The following ARB2A variants were observed in gnomAD, a reference collection of about 807,000 sequenced individuals.
ARB2A encodes ARB2 cotranscriptional regulator A.
chr5:94,049,975 T>A, the ARB2A span, among the ~76,000 whole-genome samples: 2 of 152,192 alleles, frequency 1.3e-5, no homozygotes, highest in African/African-American at 4.8e-5. Context: ...GGTCTAACTC[T>A]GTCAGCAAGG....
the ARB2A span, among the ~76,000 whole-genome samples, chr5:93,631,459 G>C: frequency 2.6e-5 from 4 of 152,070 alleles, no homozygotes; most frequent in Non-Finnish European, 5.9e-5. Flanking sequence ...TCAAGCCTGG[G>C]CAAAAGCCTC....
the ARB2A span, among the ~76,000 whole-genome samples, chr5:93,758,027 A>C: frequency 6.6e-6 from 1 of 152,162 alleles, no homozygotes; most frequent in Non-Finnish European, 1.5e-5. Flanking sequence ...GCACTCATAT[A>C]AACTTAAGTA....
At chr5:93,693,460 T>C in the ARB2A span, among the ~76,000 whole-genome samples, 1 of 151,578 alleles carries the variant, frequency 6.6e-6, no homozygotes, top group African/African-American at 2.4e-5. Context: ...ATAGAAGAAA[T>C]GGATAGATTC....
the ARB2A span, among the ~76,000 whole-genome samples, chr5:93,792,432 T>A: frequency 6.6e-6 from 1 of 151,938 alleles, no homozygotes; most frequent in African/African-American, 2.4e-5. Flanking sequence ...TTCTAGGTAA[T>A]AGATTATAAC....
At chr5:93,856,869 A>T in the ARB2A span, among the ~76,000 whole-genome samples, 4 of 151,594 alleles carry the variant, frequency 2.6e-5, no homozygotes, top group African/African-American at 9.7e-5. Context: ...TGCTTTTTAG[A>T]GTTTCCAGTT....
the ARB2A span, among the ~76,000 whole-genome samples, chr5:93,934,378 C>T: frequency 9.2e-5 from 14 of 152,188 alleles, no homozygotes; most frequent in Non-Finnish European, 4.4e-5. Context: ...AAAAACATTA[C>T]TAACACAGGT....
At chr5:93,802,910 C>G in the ARB2A span, among the ~76,000 whole-genome samples, 2 of 151,998 alleles carry the variant, frequency 1.3e-5, no homozygotes, top group Non-Finnish European at 2.9e-5. Flanking sequence ...ACAGCAGCAA[C>G]AACAAAAACC....
the ARB2A span, among the ~76,000 whole-genome samples, chr5:93,786,354 G>A: frequency 4.6e-5 from 7 of 152,292 alleles, no homozygotes; most frequent in South Asian, 1.5e-3. Flanking sequence ...AATATCTGTA[G>A]TCTGTCTTTC....
At chr5:93,965,609 C>T in the ARB2A span, among the ~76,000 whole-genome samples, 1 of 151,962 alleles carries the variant, frequency 6.6e-6, no homozygotes, top group Non-Finnish European at 1.5e-5. Flanking sequence ...GGAATAAAAA[C>T]AAATATTAAA....
At chr5:93,924,795 G>A in the ARB2A span, among the ~76,000 whole-genome samples, 21 of 152,128 alleles carry the variant, frequency 1.4e-4, no homozygotes, top group Non-Finnish European at 1.8e-4. Context: ...AAAATAGCTG[G>A]GCATGCAACA....
chr5:94,094,554 C>T, the ARB2A span, among the ~76,000 whole-genome samples: 1 of 152,138 alleles, frequency 6.6e-6, no homozygotes, highest in African/African-American at 2.4e-5. Context: ...TAGGGACATT[C>T]GTATTATAAT....
At chr5:94,016,843 G>A in the ARB2A span, among the ~76,000 whole-genome samples, 2 of 152,146 alleles carry the variant, frequency 1.3e-5, no homozygotes, top group Admixed American at 6.5e-5. Context: ...TGGGGGTTGG[G>A]AGGCAAGAAG....
chr5:93,737,412 G>A, the ARB2A span: 2 of 151,998 alleles, frequency 1.3e-5, no homozygotes, highest in Non-Finnish European at 2.9e-5. Context: ...ATGGTGTTTT[G>A]GGCAGAAATG....
the ARB2A span, among the ~76,000 whole-genome samples, chr5:94,058,202 C>T: frequency 6.6e-6 from 1 of 151,698 alleles, no homozygotes; most frequent in Non-Finnish European, 1.5e-5. Flanking sequence ...ATTATAAATA[C>T]CTGTCAGAAC....
the ARB2A span, chr5:94,050,695 G>A: frequency 2.7e-4 from 394 of 1,461,032 alleles, 2 homozygotes; most frequent in Admixed American, 6.7e-4. Context: ...ATTTAAAATT[G>A]GGAAAAACAA....
chr5:93,830,965 C>T, the ARB2A span, among the ~76,000 whole-genome samples: 1 of 152,128 alleles, frequency 6.6e-6, no homozygotes, highest in African/African-American at 2.4e-5. Context: ...GATCGTCAGG[C>T]ATTAGATTCT....
At chr5:93,862,113 C>T in the ARB2A span, 1 of 152,146 alleles carries the variant, frequency 6.6e-6, no homozygotes, top group African/African-American at 2.4e-5. Flanking sequence ...AAATTTATTA[C>T]ATAGTGAAAT....
chr5:93,850,619 C>G, the ARB2A span, among the ~76,000 whole-genome samples: 1 of 152,082 alleles, frequency 6.6e-6, no homozygotes, highest in Non-Finnish European at 1.5e-5. Flanking sequence ...AACTACATTA[C>G]AGGGATGTAA....
At chr5:94,056,742 C>T in the ARB2A span, among the ~76,000 whole-genome samples, 4 of 152,084 alleles carry the variant, frequency 2.6e-5, no homozygotes, top group Non-Finnish European at 5.9e-5. Flanking sequence ...TTCATAGGAG[C>T]ATTATTCACA....
Sources: gnomAD v4.1 joint callset for allele counts (sites outside exome capture counted in the v4.1 genomes callset) on GRCh38, gnomAD v4.1.1 for gene constraint, MANE v1.5 for transcripts, NCBI Gene and HGNC (gene_info 2026-07-23, HGNC 2026-07-21) for gene names.